The following PIEZO1 variants were observed in gnomAD, a reference collection of about 807,000 sequenced individuals.
PIEZO1 encodes the protein piezo-type mechanosensitive ion channel component 1.
PIEZO1 carries 296 observed loss-of-function variants against 297.2 expected under a neutral mutation model. The ratio of observed to expected loss-of-function variants is 1.00; its 90% confidence interval spans 0.91 to 1.10. The LOEUF (loss-of-function observed/expected upper bound fraction) is 1.10, where lower values mean the gene tolerates loss of function less well. Among genes scored for constraint, PIEZO1 ranks in the 50% least tolerant of loss-of-function variants. The pLI is 0.00. For synonymous variants in PIEZO1, 2,427 were observed against 1,507.5 expected, an observed-to-expected ratio of 1.61 and a Z score of -14.13; for missense variants, 5,018 against 3,455.5, an observed-to-expected ratio of 1.45 and a Z score of -11.34.
chr16:88,759,790 G>A (rs993147144), intron 1 of PIEZO1, among the ~76,000 whole-genome samples: 4 of 152,156 alleles, frequency 2.6e-5, no homozygotes, highest in Non-Finnish European at 4.4e-5. Flanking sequence ...CCCGTGCAGC[G>A]TTCACAGCAA....
chr16:88,741,192 G>A (rs1022579833), intron 5 of PIEZO1: 8 of 302,720 alleles, frequency 2.6e-5, no homozygotes, highest in South Asian at 9.3e-5. Context: ...CCACCACCGC[G>A]TGGCCCCAAA....
Position 88,715,635 on chromosome 16 carries a change from G to C in PIEZO1, c.7536C>G (p.Thr2512=), listed in dbSNP as rs1369224635. Residue 2512 remains threonine (T), a synonymous_variant, in exon 51 of 51, where the codon ACC becomes ACG. Coordinates refer to ENST00000301015, the MANE Select transcript of PIEZO1 (RefSeq NM_001142864.4). ...KLIFLYRSPE[T]MIKWTREKE ...CCTTCTCACGAGTCCACTTGATCAT[G>C]GTCTCCGGTGAGCGGTAGAGGAAGA... 6.5e-7 allele frequency: 1 copy of C among 1,550,068 alleles called. No individual in the cohort carries two copies. Among genetic ancestry groups the C allele is most frequent in the Admixed American group, 2.0e-5 (1 of 50,986 alleles).
intron 31 of PIEZO1, 102 bp from the exon 32 acceptor site, chr16:88,723,430 CTG>C (rs1904299252): frequency 2.2e-6 from 3 of 1,341,210 alleles, no homozygotes; most frequent in East Asian, 2.5e-5. Context: ...GATCCCTGCT[CTG>C]TGTCTCCCAG....
At chr16:88,740,413 C>T (rs537810289) in intron 5 of PIEZO1, 7 of 152,502 alleles carry the variant, frequency 4.6e-5, no homozygotes, top group Middle Eastern at 3.4e-3. Context: ...CTAGGAAGCT[C>T]ATGCCCCATG....
At chr16:88,733,249 C>T in intron 19 of PIEZO1, 29 bp downstream of exon 19, 1 of 1,528,986 alleles carries the variant, frequency 6.5e-7, no homozygotes, top group South Asian at 1.2e-5. Flanking sequence ...CTGGAGCTTC[C>T]TCCCGTCCCA....
In PIEZO1 at chr16:88,719,874, C is replaced by A; in HGVS notation, c.6251G>T (p.Gly2084Val). The change falls in exon 43 of 51, where the codon GGC (glycine) becomes GTC (valine). Residue 2084 changes from glycine to valine, a missense_variant. Physicochemically the swap from Gly to Val is moderately radical, Grantham distance 109. Transcript: ENST00000301015. ...FALSAYQIRC[G>V]YPTRILGNFL... The stretch of plus-strand genomic sequence containing the variant: ...GTTGCCGAGGATGCGGGTGGGGTAG[C>A]CGCAGCGGATCTGGTAGGCGGACAG... 1 of 1,550,608 alleles carries A rather than the reference C, an allele frequency of 6.4e-7. No homozygotes were observed. Among genetic ancestry groups the A allele is most frequent in the Admixed American group, 2.0e-5 (1 of 51,004 alleles).
At chr16:88,741,399 TTAAAA>T (rs576497317) in intron 5 of PIEZO1, 74 bp downstream of exon 5, 2 of 1,291,002 alleles carry the variant, frequency 1.5e-6, no homozygotes, top group South Asian at 2.9e-5. Context: ...TTTAAAAAGA[TTAAAA>T]TAACCCTCAA....
At chr16:88,736,804 C>A in intron 10 of PIEZO1, 65 bp from the exon 11 acceptor site, 1 of 1,061,658 alleles carries the variant, frequency 9.4e-7, no homozygotes. Flanking sequence ...CCTGACTATG[C>A]CCTAAAATCT....
chr16:88,722,436 T>C, intron 35 of PIEZO1, 39 bp from the exon 36 acceptor site: 1 of 1,470,862 alleles, frequency 6.8e-7, no homozygotes, highest in South Asian at 1.4e-5. Context: ...TCCTGCTCTA[T>C]GGCCTGACCC....
At position 88,783,502 on chromosome 16, in the gene PIEZO1, C is replaced by T. The variant is rs544250238; in HGVS notation, c.64+1399G>A. On this transcript the variant is annotated intron_variant, in intron 1 of 50. Transcript: ENST00000301015. The stretch of plus-strand genomic sequence containing the variant: ...CAGACACAAGAGGAAATGGAACGAT[C>T]AGTGTGAACGGGACGTTTCAGAAGC... Among the ~76,000 whole-genome samples the T allele has an allele frequency of 2.3e-4, 35 of 152,338 alleles. No individual in the cohort carries two copies. The South Asian group carries it at 7.3e-3, about 32-fold the overall frequency.
chr16:88,736,392 T>A lies in PIEZO1; in HGVS notation c.1313A>T (p.Tyr438Phe). ...LIAMMVWSIT[Y>F]HSWLTFVLLL... ...CAGTACGAAGGTCAGCCAGCTGTGG[T>A]AGGTGATGCTCCATACCTGCGCGGC... Residue 438 changes from tyrosine (Y) to phenylalanine (F), a missense_variant, in exon 12 of 51, where the codon TAC becomes TTC. Transcript: ENST00000301015. 1 of 1,549,022 alleles carries A rather than the reference T, an allele frequency of 6.5e-7. No individual in the cohort carries two copies. Among genetic ancestry groups the A allele is most frequent in the African/African-American group, 1.4e-5 (1 of 73,086 alleles).
chr16:88,725,486 G>C lies in PIEZO1; in HGVS notation c.4092C>G (p.His1364Gln), dbSNP rs746769703. 7.2e-6 allele frequency: 11 copies of C among 1,525,914 alleles called. No individual in the cohort carries two copies. The highest frequency in any genetic ancestry group is 4.1e-5 in the African/African-American group (3 of 72,466). 94.5% of individuals were successfully genotyped at this position (1,525,914 alleles called of 1,614,324 possible). ...GACTGCGGTCCACCCGGCCCTGCCT[G>C]TGCTTCTCCTGCTTGGCACGGATAC... is the stretch of plus-strand genomic sequence containing the variant. The part of the protein sequence containing the change: ...MERIRAKQEK[H>Q]RQGRVDRSRP... The change falls in exon 29 of 51, where the codon CAC becomes CAG. Residue 1364 changes from histidine (H) to glutamine (Q), a missense_variant. Physicochemically the swap from His to Gln is conservative, Grantham distance 24 (BLOSUM62 0). Transcript: ENST00000301015.
chr16:88,738,740 C>T lies in PIEZO1; in HGVS notation c.466-4G>A. 6.5e-7 allele frequency: 1 copy of T among 1,526,940 alleles called. No homozygotes were observed. 94.6% of individuals were successfully genotyped at this position (1,526,940 alleles called of 1,614,324 possible). On this transcript the variant is annotated splice_region_variant and splice_polypyrimidine_tract_variant and intron_variant, in intron 5 of 50. Coordinates refer to ENST00000301015, the MANE Select transcript of PIEZO1 (RefSeq NM_001142864.4). ...CCACATCCCTCTCATCATCATCCTG[C>T]CAAGGTCACGGACAGGGGCAAGGTC...
At chr16:88,723,822 C>A (rs1904303089) in intron 31 of PIEZO1, 49 bp downstream of exon 31, 1 of 1,016,298 alleles carries the variant, frequency 9.8e-7, no homozygotes, top group Non-Finnish European at 1.5e-6. Context: ...TGGTCCAGGA[C>A]CACAAGCTCT....
At chr16:88,775,115 G>A (rs1907598826) in intron 1 of PIEZO1, among the ~76,000 whole-genome samples, 1 of 152,188 alleles carries the variant, frequency 6.6e-6, no homozygotes, top group Admixed American at 6.5e-5. Context: ...AACGGAGTGA[G>A]GGGACCAGGG....
intron 1 of PIEZO1, among the ~76,000 whole-genome samples, chr16:88,759,061 A>T (rs1272486003): frequency 6.6e-6 from 1 of 152,164 alleles, no homozygotes; most frequent in Admixed American, 6.5e-5. Context: ...TTACAAGGGG[A>T]ATGTTTTCAT....
At chr16:88,722,561 C>G in intron 35 of PIEZO1, 22 bp downstream of exon 35, 2 of 1,485,834 alleles carry the variant, frequency 1.3e-6, no homozygotes, top group African/African-American at 1.4e-5. Context: ...GCAGCTGGGG[C>G]TCGGGTCACC....
rs142661515 is a variant in PIEZO1 at position 88,750,315 on chromosome 16, G to A, written c.65-836C>T. Among the ~76,000 whole-genome samples, 210 of 152,272 alleles carry A rather than the reference G, an allele frequency of 1.4e-3. 1 individual carries two copies. Among genetic ancestry groups the A allele is most frequent in the African/African-American group, 4.8e-3 (199 of 41,556 alleles). On this transcript the variant is annotated intron_variant, in intron 1 of 50. Coordinates refer to ENST00000301015, the MANE Select transcript of PIEZO1 (RefSeq NM_001142864.4). ...TGAGCCACTGCACTCCAGCCTGGGC[G>A]ACAGAGCGAGACTCCATCTCAAAAA...
chr16:88,769,669 G>A (rs1907333406), intron 1 of PIEZO1, among the ~76,000 whole-genome samples: 2 of 152,194 alleles, frequency 1.3e-5, no homozygotes, highest in African/African-American at 2.4e-5. Flanking sequence ...AGCAGAGCAG[G>A]GAGAGGACCC....
Sources: gnomAD v4.1 joint callset for allele counts (sites outside exome capture counted in the v4.1 genomes callset) on GRCh38, gnomAD v4.1.1 for gene constraint, MANE v1.5 for transcripts, NCBI Gene and HGNC (gene_info 2026-07-23, HGNC 2026-07-21) for gene names.